Variants in MACF1 observed in about 807,000 individuals in gnomAD.
MACF1 encodes the protein microtubule actin crosslinking factor 1.
MACF1 carries 193 observed loss-of-function variants against 854.8 expected under a neutral mutation model. That is an observed-to-expected ratio of 0.23 (90% confidence interval 0.20 to 0.25). The LOEUF is 0.25. Among genes scored for constraint, MACF1 ranks in the 10% least tolerant of loss-of-function variants. The pLI, the probability that MACF1 is intolerant of heterozygous loss-of-function variation, is 1.00. For missense variants in MACF1, 7,722 were observed against 8,929.1 expected, an observed-to-expected ratio of 0.86 and a Z score of 5.45; for synonymous variants, 3,185 against 3,226.7, an observed-to-expected ratio of 0.99 and a Z score of 0.44.
intron 2 of MACF1, among the ~76,000 whole-genome samples, chr1:39,135,309 C>T (rs893548292): frequency 5.9e-5 from 9 of 152,036 alleles, no homozygotes; most frequent in Non-Finnish European, 8.8e-5. Flanking sequence ...TGCAATGGTG[C>T]GATTTCCGCT....
chr1:39,085,680 A>G (rs1641655948), intron 2 of MACF1, among the ~76,000 whole-genome samples: 1 of 152,250 alleles, frequency 6.6e-6, no homozygotes, highest in Non-Finnish European at 1.5e-5. Flanking sequence ...AATAAAAAAT[A>G]AAATAAAATA....
intron 2 of MACF1, among the ~76,000 whole-genome samples, chr1:39,136,522 G>A (rs1643173430): frequency 6.6e-6 from 1 of 152,166 alleles, no homozygotes; most frequent in Non-Finnish European, 1.5e-5. Flanking sequence ...GGGGACTGCA[G>A]TGGCATTAGG....
Position 39,451,076 on chromosome 1 carries a change from G to T in MACF1, c.20283G>T (p.Leu6761=), listed in dbSNP as rs767836143. 6.2e-7 allele frequency: 1 copy of T among 1,613,990 alleles called. No homozygotes were observed. The highest frequency in any genetic ancestry group is 8.5e-7 in the Non-Finnish European group (1 of 1,179,954). The part of the protein sequence containing the change: ...VERQHKLEEA[L]LFSGQFMDAL... The stretch of plus-strand genomic sequence containing the variant: ...GGCAGCACAAGTTGGAGGAAGCCCT[G>T]CTCTTTTCGGGTCAGTTCATGGATG... The change falls in exon 85 of 101, where the codon CTG becomes CTT. Residue 6761 remains leucine, a synonymous_variant. Transcript: ENST00000564288.
intron 49 of MACF1, among the ~76,000 whole-genome samples, chr1:39,362,319 G>C (rs1252275392): frequency 1.3e-5 from 2 of 152,106 alleles, no homozygotes; most frequent in Non-Finnish European, 2.9e-5. Context: ...GCTTTATCCA[G>C]CTTTCTAACT....
chr1:39,429,814 C>T lies in MACF1; in HGVS notation c.16889-13C>T. 4.3e-6 allele frequency: 7 copies of T among 1,613,134 alleles called. No individual in the cohort carries two copies. The highest frequency in any genetic ancestry group is 5.9e-6 in the Non-Finnish European group (7 of 1,179,334). On this transcript the variant is annotated splice_polypyrimidine_tract_variant and intron_variant, in intron 64 of 100. Coordinates refer to ENST00000564288, the MANE Select transcript of MACF1 (RefSeq NM_001394062.1). ...TCTCTTAAATATGAGTAATTGTGTG[C>T]TATCTTCCATAGGTGAGGAGGTGTT...
At chr1:39,127,504 T>A (rs1642889999) in intron 2 of MACF1, among the ~76,000 whole-genome samples, 1 of 152,232 alleles carries the variant, frequency 6.6e-6, no homozygotes, top group Non-Finnish European at 1.5e-5. Context: ...AAAGTGGGTC[T>A]CAGCCAGTGA....
chr1:39,093,482 AT>A (rs35211687), intron 2 of MACF1, among the ~76,000 whole-genome samples: 15,871 of 104,200 alleles, frequency 0.15, 927 homozygotes, highest in Middle Eastern at 0.21. Flanking sequence ...CGCCTGGCTA[AT>A]TTTTTTTTTT....
chr1:39,363,650 C>G (rs1474538550), intron 49 of MACF1, among the ~76,000 whole-genome samples: 4 of 148,112 alleles, frequency 2.7e-5, no homozygotes, highest in African/African-American at 1.0e-4. Context: ...CGCTCTGTTG[C>G]CCAGGCTGAA....
rs78256423 is a variant in MACF1, at chr1:39,444,585, A to T, written c.19432-77A>T. On this transcript the variant is annotated intron_variant, in intron 79 of 100. Coordinates refer to ENST00000564288, the MANE Select transcript of MACF1 (RefSeq NM_001394062.1). Reference sequence around the variant, plus strand: ...ATGAGCCCTTCCTGGACTTTCCCAGACTCTGCTACAGAATCTATATGTAGG... The same window carrying T: ...ATGAGCCCTTCCTGGACTTTCCCAGTCTCTGCTACAGAATCTATATGTAGG... The T allele has an allele frequency of 0.084, 112,048 of 1,335,560 alleles. 5,570 individuals are homozygous for T. Among genetic ancestry groups the T allele is most frequent in the South Asian group, 0.19 (12,870 of 66,900 alleles). 82.7% of individuals were successfully genotyped at this position (1,335,560 alleles called of 1,614,324 possible).
At position 39,368,283 on chromosome 1, in the gene MACF1, T is replaced by G; in HGVS notation, c.12907T>G (p.Phe4303Val). Residue 4303 changes from phenylalanine to valine, a missense_variant, in exon 50 of 101, where the codon TTC (phenylalanine) becomes GTC (valine). Physicochemically the swap from Phe to Val is conservative, Grantham distance 50 (BLOSUM62 -1). This residue lies in a region of MACF1 where 2,807 missense variants were observed against 3,235.8 expected (regional missense o/e 0.87). Coordinates refer to ENST00000564288, the MANE Select transcript of MACF1 (RefSeq NM_001394062.1). The part of the protein sequence containing the change: ...QDRVQNLRKD[F>V]TELQKTVKER... ...CAGGGTACAGAATCTAAGAAAAGAC[T>G]TCACAGAGCTACAGAAGACAGTTAA... 1 of 1,614,000 alleles carries G rather than the reference T, an allele frequency of 6.2e-7. No individual in the cohort carries two copies. Among genetic ancestry groups the G allele is most frequent in the Non-Finnish European group, 8.5e-7 (1 of 1,179,912 alleles).
In MACF1 at chr1:39,439,084, CAAAAAA is replaced by C. The variant is rs760415601; in HGVS notation, c.18221-181_18221-176del. On this transcript the variant is annotated intron_variant, in intron 71 of 100. Transcript: ENST00000564288. ...GGCAACAGGAGCAAGACTCTGTCTCCAAAAAAAAAAAAAAGAAAAAGAAATAATAGT... is the reference window on the plus strand; with the variant it reads ...GGCAACAGGAGCAAGACTCTGTCTCCAAAAAAAAGAAAAAGAAATAATAGT... Among the ~76,000 whole-genome samples the C allele has an allele frequency of 4.7e-5, 4 of 84,862 alleles. No individual in the cohort carries two copies. In the East Asian group the frequency reaches 9.3e-4, roughly 20 times the overall value. The allele number at this position is 84,862 out of a possible 152,430, so 55.7% of individuals were successfully genotyped here. A position where few individuals can be genotyped will look rare whatever the true frequency, so the allele number is the denominator to read the frequency against.
intron 85 of MACF1, 74 bp from the exon 86 acceptor site, chr1:39,452,082 A>T (rs1381615645): frequency 5.5e-6 from 7 of 1,284,256 alleles, no homozygotes; most frequent in African/African-American, 1.5e-5. Flanking sequence ...TACCAAGAAA[A>T]TTATTATTTC....
At chr1:39,383,728 T>G (rs988726411) in intron 56 of MACF1, among the ~76,000 whole-genome samples, 19 of 151,932 alleles carry the variant, frequency 1.3e-4, no homozygotes, top group Admixed American at 6.6e-4. Context: ...ATACAAAAAA[T>G]TAGCCGGGTG....
intron 2 of MACF1, among the ~76,000 whole-genome samples, chr1:39,119,418 T>TTTGTTG (rs149476759): frequency 6.6e-6 from 1 of 151,344 alleles, no homozygotes; most frequent in Non-Finnish European, 1.5e-5. Flanking sequence ...CATTTCTTAG[T>TTTGTTG]TTGTTGTTGT....
intron 58 of MACF1, among the ~76,000 whole-genome samples, chr1:39,420,995 A>C: frequency 6.6e-6 from 1 of 151,516 alleles, no homozygotes; most frequent in Non-Finnish European, 1.5e-5. Flanking sequence ...CCTCCCGAGT[A>C]GCTGGGACTA....
At chr1:39,142,779 G>T (rs1643372154) in intron 2 of MACF1, among the ~76,000 whole-genome samples, 1 of 152,200 alleles carries the variant, frequency 6.6e-6, no homozygotes, top group Non-Finnish European at 1.5e-5. Context: ...TTCCCAACCT[G>T]CTGAGTCACC....
chr1:39,317,305 G>A lies in MACF1; in HGVS notation c.3680G>A (p.Ser1227Asn), dbSNP rs1390140011. ...AKAKVVAEQM[S>N]RLTPERNLDL... Reference sequence around the variant, plus strand: ...GCCAAGGTAGTGGCAGAGCAGATGAGTCGTCTGACACCAGAGCGAAATCTG... The same window carrying A: ...GCCAAGGTAGTGGCAGAGCAGATGAATCGTCTGACACCAGAGCGAAATCTG... Residue 1227 changes from serine to asparagine, a missense_variant, in exon 29 of 101, where the codon AGT (serine) becomes AAT (asparagine). This residue lies in a region of MACF1 where 1,137 missense variants were observed against 1,263.0 expected (regional missense o/e 0.90). Coordinates refer to ENST00000564288, the MANE Select transcript of MACF1 (RefSeq NM_001394062.1). 6.2e-7 allele frequency: 1 copy of A among 1,613,992 alleles called. No homozygotes were observed. The highest frequency in any genetic ancestry group is 8.5e-7 in the Non-Finnish European group (1 of 1,180,034).
rs1032363875 is a variant in MACF1 at position 39,422,139 on chromosome 1, G to A, written c.15817-235G>A. 2.6e-5 allele frequency among the ~76,000 whole-genome samples: 4 copies of A among 152,028 alleles called. No individual in the cohort carries two copies. The East Asian group carries it at 5.8e-4, about 22-fold the overall frequency. On this transcript the variant is annotated intron_variant, in intron 58 of 100. Coordinates refer to ENST00000564288, the MANE Select transcript of MACF1 (RefSeq NM_001394062.1). ...AAAAGAACAAAGGAAAGAGTCATTGGGTTAAAGACCTAAGTAGTGTCATAA... is the reference window on the plus strand; with the variant it reads ...AAAAGAACAAAGGAAAGAGTCATTGAGTTAAAGACCTAAGTAGTGTCATAA...
At position 39,422,180 on chromosome 1, in the gene MACF1, T is replaced by A. The variant is rs958159433; in HGVS notation, c.15817-194T>A. On this transcript the variant is annotated intron_variant, in intron 58 of 100. Coordinates refer to ENST00000564288, the MANE Select transcript of MACF1 (RefSeq NM_001394062.1). ...AGTGTCATAACTCTCTGTAATTACA[T>A]GTCCATAGGAGAATGTATTGAAATA... Among the ~76,000 whole-genome samples the A allele has an allele frequency of 7.2e-5, 11 of 152,340 alleles. No homozygotes were observed. In the South Asian group the frequency reaches 1.2e-3, roughly 17 times the overall value.
Sources: gnomAD v4.1 joint callset for allele counts (sites outside exome capture counted in the v4.1 genomes callset) on GRCh38, gnomAD v4.1.1 for gene constraint, gnomAD v4.1.1 regional missense constraint, MANE v1.5 for transcripts, NCBI Gene and HGNC (gene_info 2026-07-23, HGNC 2026-07-21) for gene names.